The following SYT16 variants were observed in gnomAD, a reference collection of about 807,000 sequenced individuals.
The protein encoded by SYT16 is synaptotagmin 16, also known as synaptotagmin-16.
A neutral mutation model predicts 61.4 loss-of-function variants in SYT16; 42 were observed. The observed-to-expected ratio is 0.68, with a 90% CI of 0.53 to 0.89. The LOEUF (loss-of-function observed/expected upper bound fraction) is 0.89. Ranked by LOEUF, SYT16 falls within the 40% of genes least tolerant of loss-of-function variation. The pLI is 0.00. For synonymous variants in SYT16, 314 were observed against 302.3 expected (o/e 1.04, Z -0.40); for missense variants, 804 against 807.3 (o/e 1.00, Z 0.05).
At chr14:61,926,082 A>G (rs904315553) in intron 1 of SYT16, among the ~76,000 whole-genome samples, 3 of 152,198 alleles carry the variant, frequency 2.0e-5, no homozygotes. Flanking sequence ...AGGAATGGTG[A>G]GTGCTATGAC....
intron 7 of SYT16, among the ~76,000 whole-genome samples, chr14:62,089,201 C>T (rs576789632): frequency 6.6e-6 from 1 of 151,956 alleles, no homozygotes; most frequent in Non-Finnish European, 1.5e-5. Context: ...TGCCTGTAAT[C>T]CCAGCTACTT....
At position 62,104,320 on chromosome 14, in the gene SYT16, C is replaced by T. The variant is rs906048427; in HGVS notation, c.*3613C>T. 2.6e-5 allele frequency: 4 copies of T among 152,162 alleles called. No homozygotes were observed. The highest frequency in any genetic ancestry group is 1.9e-4 in the East Asian group (1 of 5,204). The allele number at this position is 152,162 out of a possible 1,614,324, so 9.4% of individuals were successfully genotyped here. On this transcript the variant is annotated 3_prime_UTR_variant, in exon 8 of 8. Coordinates refer to ENST00000683842, the MANE Select transcript of SYT16 (RefSeq NM_001367656.1). ...CTGATAAAGAAACAGGACTAGAACA[C>T]GCATGTGGTATCTCCTTTTACTTTT...
At chr14:61,855,667 A>T (rs1433552070) in intron 1 of SYT16, among the ~76,000 whole-genome samples, 1 of 152,214 alleles carries the variant, frequency 6.6e-6, no homozygotes, top group Non-Finnish European at 1.5e-5. Context: ...TAAGTTGGGG[A>T]CTATCTGTAT....
At chr14:61,969,035 G>T (rs2051433834) in intron 1 of SYT16, among the ~76,000 whole-genome samples, 1 of 152,080 alleles carries the variant, frequency 6.6e-6, no homozygotes, top group African/African-American at 2.4e-5. Flanking sequence ...ATCTTTTCAA[G>T]GTGTTGAGAT....
chr14:61,940,348 T>C (rs1264027072), intron 1 of SYT16, among the ~76,000 whole-genome samples: 1 of 152,172 alleles, frequency 6.6e-6, no homozygotes, highest in East Asian at 1.9e-4. Context: ...ACTAAATGGC[T>C]CTCCTCACGG....
chr14:61,857,911 G>T (rs1160425632), intron 1 of SYT16, among the ~76,000 whole-genome samples: 1 of 151,582 alleles, frequency 6.6e-6, no homozygotes, highest in Non-Finnish European at 1.5e-5. Flanking sequence ...ATTTTGACAG[G>T]GGGAAAAAAC....
intron 3 of SYT16, among the ~76,000 whole-genome samples, chr14:62,056,025 C>A (rs1257609980): frequency 1.3e-5 from 2 of 151,412 alleles, no homozygotes; most frequent in African/African-American, 4.9e-5. Flanking sequence ...GAAGACTCAG[C>A]CAGTCTACTT....
At position 61,817,144 on chromosome 14, in the gene SYT16, C is replaced by T. The variant is rs112738708; in HGVS notation, c.-325+4334C>T. On this transcript the variant is annotated intron_variant, in intron 1 of 7. Transcript: ENST00000683842. ...ACATTAACAATAATGGGGCTAGTTG[C>T]GGTGGCTCATGCCTGTAATCCGAGC... Among the ~76,000 whole-genome samples the T allele has an allele frequency of 7.3e-3, 1,116 of 151,954 alleles. 17 individuals are homozygous for T. The highest frequency in any genetic ancestry group is 0.026 in the African/African-American group (1,070 of 41,426).
At chr14:61,970,612 T>TG (rs1350875925) in intron 2 of SYT16, among the ~76,000 whole-genome samples, 1 of 152,200 alleles carries the variant, frequency 6.6e-6, no homozygotes, top group African/African-American at 2.4e-5. Context: ...GCATTTCACT[T>TG]GTTAGCTGTT....
intron 2 of SYT16, among the ~76,000 whole-genome samples, chr14:61,971,821 TG>T (rs1339433794): frequency 6.6e-6 from 1 of 152,222 alleles, no homozygotes; most frequent in South Asian, 2.1e-4. Flanking sequence ...TGACTTATTC[TG>T]AAAATAGAAT....
chr14:61,960,751 TGA>T (rs1239804633), intron 1 of SYT16, among the ~76,000 whole-genome samples: 8 of 152,172 alleles, frequency 5.3e-5, no homozygotes, highest in Admixed American at 5.2e-4. Flanking sequence ...GTAGGAGTGA[TGA>T]GAGAGGCCAT....
intron 1 of SYT16, among the ~76,000 whole-genome samples, chr14:61,907,793 C>T (rs1209133429): frequency 6.6e-6 from 1 of 152,210 alleles, no homozygotes; most frequent in Admixed American, 6.5e-5. Flanking sequence ...AGGGTGTGAG[C>T]CCCAGGGGGG....
intron 3 of SYT16, among the ~76,000 whole-genome samples, chr14:62,011,926 C>CACATATATATATATATATAT (rs1555370087): frequency 2.3e-5 from 3 of 132,772 alleles, no homozygotes; most frequent in African/African-American, 6.8e-5. Context: ...CACACACACA[C>CACATATATATATATATATAT]ATATATATAT....
intron 1 of SYT16, among the ~76,000 whole-genome samples, chr14:61,961,086 C>T (rs889798242): frequency 6.6e-6 from 1 of 152,104 alleles, no homozygotes; most frequent in Non-Finnish European, 1.5e-5. Flanking sequence ...TAAAACGGGA[C>T]ACCTTCTTTA....
At chr14:61,944,891 A>G (rs1010080187) in intron 1 of SYT16, among the ~76,000 whole-genome samples, 1 of 152,236 alleles carries the variant, frequency 6.6e-6, no homozygotes, top group Non-Finnish European at 1.5e-5. Flanking sequence ...AACAAATGGG[A>G]TTAATTAAAC....
At chr14:61,910,635 T>G (rs1438092381) in intron 1 of SYT16, among the ~76,000 whole-genome samples, 1 of 151,752 alleles carries the variant, frequency 6.6e-6, no homozygotes, top group African/African-American at 2.4e-5. Context: ...GATTCAAAGA[T>G]TCTCTATCTC....
rs147138893 is a variant in SYT16 at position 62,042,229 on chromosome 14, C to G, written c.524-27374C>G. ...TGTTGACCAGGCTGGTCTTGAACTC[C>G]TGGCCTCAAGTGATCCTCCCATGTC... On this transcript the variant is annotated intron_variant, in intron 3 of 7. Transcript: ENST00000683842. Among the ~76,000 whole-genome samples the G allele has an allele frequency of 2.6e-3, 398 of 152,158 alleles. 1 individual carries two copies. The highest frequency in any genetic ancestry group is 9.3e-3 in the African/African-American group (384 of 41,504).
chr14:61,903,201 G>T (rs987342139), intron 1 of SYT16, among the ~76,000 whole-genome samples: 5 of 151,922 alleles, frequency 3.3e-5, no homozygotes, highest in Admixed American at 1.3e-4. Context: ...TAGTATTTGC[G>T]ATGACCCTGT....
chr14:62,070,157 A>G (rs1203477326), intron 4 of SYT16, among the ~76,000 whole-genome samples: 1 of 152,216 alleles, frequency 6.6e-6, no homozygotes, highest in Admixed American at 6.5e-5. Context: ...AATGTCACGT[A>G]CTTGTCCACT....
Sources: allele counts gnomAD v4.1 joint callset (sites outside exome capture counted in the v4.1 genomes callset), GRCh38; gene constraint gnomAD v4.1.1; transcripts MANE v1.5; gene names NCBI Gene and HGNC (gene_info 2026-07-23, HGNC 2026-07-21).